Variants in ADAM12 observed in about 807,000 individuals in gnomAD.
The protein encoded by ADAM12 is ADAM metallopeptidase domain 12, also known as disintegrin and metalloproteinase domain-containing protein 12.
ADAM12 carries 70 observed loss-of-function variants against 106.4 expected under a neutral mutation model. That is an observed-to-expected ratio of 0.66 (90% confidence interval 0.54 to 0.80). The LOEUF is 0.80. Ranked by LOEUF, ADAM12 falls within the 30% of genes least tolerant of loss-of-function variation. ADAM12 has a pLI of 0.00. For synonymous variants in ADAM12, 420 were observed against 433.5 expected (o/e 0.97, Z 0.39); for missense variants, 1,010 against 1,171.9 (o/e 0.86, Z 2.02).
chr10:126,301,198 G>A (rs964171303), intron 2 of ADAM12, among the ~76,000 whole-genome samples: 2 of 152,134 alleles, frequency 1.3e-5, no homozygotes, highest in African/African-American at 4.8e-5. Context: ...CAGTGTCATC[G>A]CTAAGAAACC....
chr10:126,085,487 G>A (rs2133540834), intron 11 of ADAM12, among the ~76,000 whole-genome samples: 1 of 152,138 alleles, frequency 6.6e-6, no homozygotes, highest in Middle Eastern at 3.4e-3. Context: ...CCCAGCCAAC[G>A]TCTATCCATC....
chr10:126,254,051 C>T (rs1303786538), intron 3 of ADAM12, among the ~76,000 whole-genome samples: 1 of 152,226 alleles, frequency 6.6e-6, no homozygotes, highest in Non-Finnish European at 1.5e-5. Context: ...GGTCCTATGG[C>T]CCCTCTGCTA....
intron 3 of ADAM12, among the ~76,000 whole-genome samples, chr10:126,167,712 C>A (rs994650769): frequency 6.6e-6 from 1 of 152,196 alleles, no homozygotes; most frequent in African/African-American, 2.4e-5. Flanking sequence ...GCAAAGTGAA[C>A]CTCGAATTCA....
rs191911228 is a variant in ADAM12, at chr10:126,202,858, G to A, written c.261-47553C>T. Among the ~76,000 whole-genome samples the A allele has an allele frequency of 5.2e-3, 793 of 152,016 alleles. 7 individuals carry two copies. Among genetic ancestry groups the A allele is most frequent in the Non-Finnish European group, 8.4e-3 (569 of 68,002 alleles). ...CTCTGAAATGCTCTAACATTTTTCCGAAGGTCAAAGTGAGACTCGATCTTT... is the reference window on the plus strand; with the variant it reads ...CTCTGAAATGCTCTAACATTTTTCCAAAGGTCAAAGTGAGACTCGATCTTT... On this transcript the variant is annotated intron_variant, in intron 3 of 22. Transcript: ENST00000448723.
Position 126,108,574 on chromosome 10 carries a change from C to A in ADAM12, c.741+19G>T, listed in dbSNP as rs771005430. 9 of 1,603,550 alleles carry A rather than the reference C, an allele frequency of 5.6e-6. No individual in the cohort carries two copies. In the African/African-American group the frequency reaches 1.2e-4, roughly 21 times the overall value. On this transcript the variant is annotated intron_variant, in intron 8 of 22. Transcript: ENST00000448723. ...CATTTACATGATCTGAATGATTTAA[C>A]TACTGAAAAAGAACTTACCTTGTCA...
chr10:126,286,737 G>T (rs146241244), intron 2 of ADAM12, among the ~76,000 whole-genome samples: 1 of 152,222 alleles, frequency 6.6e-6, no homozygotes, highest in East Asian at 1.9e-4. Context: ...ATTATAATGG[G>T]GTGTCCCTGG....
At chr10:126,169,345 T>C (rs994592495) in intron 3 of ADAM12, among the ~76,000 whole-genome samples, 10 of 152,242 alleles carry the variant, frequency 6.6e-5, no homozygotes, top group African/African-American at 2.4e-4. Context: ...CTTGAGCACA[T>C]AGTGCCATTT....
chr10:126,206,664 C>T (rs943005012), intron 3 of ADAM12, among the ~76,000 whole-genome samples: 4 of 152,154 alleles, frequency 2.6e-5, no homozygotes, highest in Admixed American at 2.0e-4. Flanking sequence ...CTGGCAAGTA[C>T]CAACATTTCA....
intron 3 of ADAM12, among the ~76,000 whole-genome samples, chr10:126,221,130 T>A (rs975279739): frequency 6.6e-6 from 1 of 152,134 alleles, no homozygotes; most frequent in East Asian, 1.9e-4. Context: ...ACACTTGTAA[T>A]CCCAGCACTT....
At chr10:126,199,317 G>A (rs1303451668) in intron 3 of ADAM12, among the ~76,000 whole-genome samples, 1 of 152,122 alleles carries the variant, frequency 6.6e-6, no homozygotes, top group Non-Finnish European at 1.5e-5. Context: ...GAGATCAGCG[G>A]GCCTGACCAT....
At chr10:126,092,594 A>G (rs1371047337) in intron 11 of ADAM12, among the ~76,000 whole-genome samples, 3 of 152,238 alleles carry the variant, frequency 2.0e-5, no homozygotes, top group African/African-American at 7.2e-5. Context: ...TTCATTTCCT[A>G]TCGGTTAGTA....
chr10:126,168,441 T>C (rs992698506), intron 3 of ADAM12, among the ~76,000 whole-genome samples: 6 of 152,200 alleles, frequency 3.9e-5, no homozygotes, highest in Admixed American at 2.6e-4. Context: ...GGACACTATA[T>C]GGGAAGTTAA....
chr10:126,358,329 G>A (rs1252418869), intron 1 of ADAM12, among the ~76,000 whole-genome samples: 1 of 152,162 alleles, frequency 6.6e-6, no homozygotes, highest in Non-Finnish European at 1.5e-5. Context: ...TGAGATGGAA[G>A]GATGTTTCAA....
intron 3 of ADAM12, among the ~76,000 whole-genome samples, chr10:126,228,927 T>A (rs1011835): frequency 0.14 from 21,982 of 152,250 alleles, 1,963 homozygotes; most frequent in African/African-American, 0.25. Context: ...TTAAAAAAAA[T>A]TCTTACTGGC....
At chr10:126,210,731 C>T (rs1957885506) in intron 3 of ADAM12, among the ~76,000 whole-genome samples, 1 of 152,140 alleles carries the variant, frequency 6.6e-6, no homozygotes. Flanking sequence ...CCAGTGAAAC[C>T]TGCACTGGAG....
chr10:126,121,043 T>TAATATATATTATATATTATATATGC (rs1381955898), intron 5 of ADAM12, among the ~76,000 whole-genome samples: 22 of 16,394 alleles, frequency 1.3e-3, no homozygotes, highest in East Asian at 4.1e-3. Context: ...ATATGCAATA[T>TAATATATATTATATATTATATATGC]AATATATTAT....
chr10:126,109,428 T>G (rs182920685), intron 7 of ADAM12, among the ~76,000 whole-genome samples: 352 of 152,340 alleles, frequency 2.3e-3, no homozygotes, highest in African/African-American at 8.1e-3. Flanking sequence ...TATGGGATAT[T>G]TTTTAAATGT....
At chr10:126,235,945 T>G (rs7075350) in intron 3 of ADAM12, among the ~76,000 whole-genome samples, 1 of 151,650 alleles carries the variant, frequency 6.6e-6, no homozygotes. Context: ...AGGACCTGGT[T>G]GGACCAAGGG....
At chr10:126,100,225 A>G (rs964873146) in intron 9 of ADAM12, among the ~76,000 whole-genome samples, 1 of 152,328 alleles carries the variant, frequency 6.6e-6, no homozygotes, top group East Asian at 1.9e-4. Context: ...TTAAAGAGGG[A>G]ACACAAGGTT....
Sources: allele counts gnomAD v4.1 joint callset (sites outside exome capture counted in the v4.1 genomes callset), GRCh38; gene constraint gnomAD v4.1.1; transcripts MANE v1.5; gene names NCBI Gene and HGNC (gene_info 2026-07-23, HGNC 2026-07-21).